Variants in SAMD12 observed in about 807,000 individuals in gnomAD.
SAMD12 encodes the protein sterile alpha motif domain containing 12, also known as sterile alpha motif domain-containing protein 12.
Under a neutral mutation model 15.0 loss-of-function variants are expected in SAMD12, and 9 were observed. That is an observed-to-expected ratio of 0.60 (90% CI 0.36 to 1.05). The LOEUF is 1.05. Ranked by LOEUF, SAMD12 falls within the 50% of genes least tolerant of loss-of-function variation. The pLI is 0.01. For missense variants in SAMD12, 230 were observed against 234.2 expected, an observed-to-expected ratio of 0.98 and a Z score of 0.12; for synonymous variants, 86 against 90.1, an observed-to-expected ratio of 0.96 and a Z score of 0.25.
intron 1 of SAMD12, among the ~76,000 whole-genome samples, chr8:118,583,113 T>C (rs938903862): frequency 6.6e-6 from 1 of 152,154 alleles, no homozygotes; most frequent in Non-Finnish European, 1.5e-5. Context: ...ATTACTGAAC[T>C]AACATGCTGG....
At chr8:118,319,721 G>A (rs1346961693) in intron 4 of SAMD12, among the ~76,000 whole-genome samples, 1 of 152,142 alleles carries the variant, frequency 6.6e-6, no homozygotes, top group South Asian at 2.1e-4. Flanking sequence ...TGAGAAAGAG[G>A]GAGCAACTGA....
At chr8:118,441,298 T>C (rs1348377691) in intron 2 of SAMD12, among the ~76,000 whole-genome samples, 1 of 152,214 alleles carries the variant, frequency 6.6e-6, no homozygotes, top group Non-Finnish European at 1.5e-5. Flanking sequence ...TCTTCTTTGT[T>C]TTTTAAACAA....
chr8:118,329,286 C>G (rs1465331092), intron 4 of SAMD12, among the ~76,000 whole-genome samples: 1 of 152,050 alleles, frequency 6.6e-6, no homozygotes, highest in Non-Finnish European at 1.5e-5. Flanking sequence ...GCAAATTTTT[C>G]TCTTACATGG....
At chr8:118,608,670 A>C (rs1428142216) in intron 1 of SAMD12, among the ~76,000 whole-genome samples, 4 of 151,906 alleles carry the variant, frequency 2.6e-5, no homozygotes, top group Non-Finnish European at 4.4e-5. Flanking sequence ...CACCTGGCTA[A>C]TTTTTGTATT....
chr8:118,168,217 T>C, the SAMD12 span, among the ~76,000 whole-genome samples: 3 of 152,198 alleles, frequency 2.0e-5, no homozygotes, highest in African/African-American at 7.2e-5. Flanking sequence ...AATAGACTAA[T>C]ACACAATGGC....
chr8:118,134,678 A>T, the SAMD12 span, among the ~76,000 whole-genome samples: 1 of 152,308 alleles, frequency 6.6e-6, no homozygotes, highest in Admixed American at 6.5e-5. Context: ...TTTGAGAACC[A>T]CTAGCTTCGG....
chr8:118,579,200 T>C (rs1827223037), intron 2 of SAMD12, among the ~76,000 whole-genome samples: 2 of 143,764 alleles, frequency 1.4e-5, no homozygotes, highest in South Asian at 2.3e-4. Flanking sequence ...AATAGTTAAC[T>C]TTTCTCTCTA....
chr8:118,379,831 C>A, intron 3 of SAMD12, 131 bp from the exon 4 acceptor site: 2 of 1,140,574 alleles, frequency 1.8e-6, no homozygotes, highest in Non-Finnish European at 2.4e-6. Flanking sequence ...GAATAAAGGT[C>A]TTCCATTATT....
At position 118,422,929 on chromosome 8, in the gene SAMD12, C is replaced by T. The variant is rs201065043; in HGVS notation, c.322+16903G>A. ...GGGACGGTAGGCAAGGAGAAGACCA[C>T]AGTTAGGTCACTGGCCTTGGGAAAG... On this transcript the variant is annotated intron_variant, in intron 3 of 3. Coordinates refer to ENST00000314727, the MANE Select transcript of SAMD12 (RefSeq NM_207506.3). Among the ~76,000 whole-genome samples, 44 of 152,278 alleles carry T rather than the reference C, an allele frequency of 2.9e-4. No individual in the cohort carries two copies. The East Asian group carries it at 6.4e-3, about 22-fold the overall frequency.
intron 2 of SAMD12, among the ~76,000 whole-genome samples, chr8:118,461,481 T>C (rs1308468496): frequency 2.0e-5 from 3 of 152,330 alleles, no homozygotes; most frequent in Non-Finnish European, 2.9e-5. Flanking sequence ...TTTCATGCTA[T>C]ACTCCCAATT....
the SAMD12 span, among the ~76,000 whole-genome samples, chr8:118,140,229 A>T: frequency 6.6e-6 from 1 of 152,136 alleles, no homozygotes; most frequent in Non-Finnish European, 1.5e-5. Context: ...AAATGTTCTC[A>T]TTCTTTCACC....
At chr8:118,573,962 A>G (rs551230498) in intron 2 of SAMD12, among the ~76,000 whole-genome samples, 18 of 152,326 alleles carry the variant, frequency 1.2e-4, no homozygotes, top group African/African-American at 3.8e-4. Context: ...CTGTGGAGAG[A>G]CAGAAAACAA....
At chr8:118,609,958 GA>G (rs1828067338) in intron 1 of SAMD12, among the ~76,000 whole-genome samples, 1 of 152,144 alleles carries the variant, frequency 6.6e-6, no homozygotes, top group Non-Finnish European at 1.5e-5. Context: ...CAGGAATCTT[GA>G]AGCTCTGGCT....
chr8:118,156,752 A>C, the SAMD12 span, among the ~76,000 whole-genome samples: 1 of 152,218 alleles, frequency 6.6e-6, no homozygotes, highest in Non-Finnish European at 1.5e-5. Context: ...AATATGGCAA[A>C]ATGTTGGAGG....
chr8:118,288,790 A>T (rs765503913), intron 4 of SAMD12, among the ~76,000 whole-genome samples: 6 of 152,238 alleles, frequency 3.9e-5, no homozygotes, highest in Non-Finnish European at 8.8e-5. Context: ...ATGGAAGTTG[A>T]ACCAATCTTT....
chr8:118,571,432 T>A (rs1563590654), intron 2 of SAMD12, among the ~76,000 whole-genome samples: 1 of 152,148 alleles, frequency 6.6e-6, no homozygotes. Flanking sequence ...TTGCAGAAAT[T>A]TGCATAACTA....
At chr8:118,578,452 T>C (rs1413894931) in intron 2 of SAMD12, among the ~76,000 whole-genome samples, 1 of 152,160 alleles carries the variant, frequency 6.6e-6, no homozygotes, top group East Asian at 1.9e-4. Context: ...GCTGTACCAA[T>C]TTACATTACT....
intron 4 of SAMD12, among the ~76,000 whole-genome samples, chr8:118,357,123 G>C (rs2130621690): frequency 6.6e-6 from 1 of 152,326 alleles, no homozygotes; most frequent in Non-Finnish European, 1.5e-5. Context: ...AATTGAAAGG[G>C]AGAAATAATC....
At chr8:118,359,648 C>T (rs969202541) in intron 4 of SAMD12, among the ~76,000 whole-genome samples, 1 of 152,134 alleles carries the variant, frequency 6.6e-6, no homozygotes, top group African/African-American at 2.4e-5. Context: ...TACTGTGTGA[C>T]TTGGGTTCAA....
Sources: gnomAD v4.1 joint callset for allele counts (sites outside exome capture counted in the v4.1 genomes callset) on GRCh38, gnomAD v4.1.1 for gene constraint, MANE v1.5 for transcripts, NCBI Gene and HGNC (gene_info 2026-07-23, HGNC 2026-07-21) for gene names.